MYO9A: variants seen among roughly 807,000 people sequenced by gnomAD.
MYO9A encodes the protein myosin IXA.
In MYO9A, 103 loss-of-function variants were observed where a neutral mutation model predicts 293.3. That is an observed-to-expected ratio of 0.35 (90% CI 0.30 to 0.41). The LOEUF (loss-of-function observed/expected upper bound fraction) is 0.41. MYO9A is among the 10% of genes least tolerant of loss of function. The pLI, the probability that MYO9A is intolerant of heterozygous loss-of-function variation, is 1.00. For missense variants in MYO9A, 2,685 were observed against 3,033.0 expected, an observed-to-expected ratio of 0.89 and a Z score of 2.69; for synonymous variants, 1,001 against 1,035.7, an observed-to-expected ratio of 0.97 and a Z score of 0.64.
In MYO9A at chr15:71,824,995, A is replaced by G. The variant is rs1173759992; in HGVS notation, c.*1585T>C. ...AGTATGAAAAGGAAGAATACCCAAA[A>G]TACAGGTTATAGATGGTAAAGGCTC... On this transcript the variant is annotated 3_prime_UTR_variant, in exon 42 of 42. Coordinates refer to ENST00000356056, the MANE Select transcript of MYO9A (RefSeq NM_006901.4). The G allele has an allele frequency of 1.3e-5, 2 of 152,244 alleles. No individual in the cohort carries two copies. The highest frequency in any genetic ancestry group is 1.5e-5 in the Non-Finnish European group (1 of 68,044). The allele number at this position is 152,244 out of a possible 1,614,324, so 9.4% of individuals were successfully genotyped here. A position where few individuals can be genotyped will look rare whatever the true frequency, so the allele number is the denominator to read the frequency against.
chr15:71,839,509 A>G (rs2723339), intron 39 of MYO9A, among the ~76,000 whole-genome samples: 1,928 of 152,250 alleles, frequency 0.013, 52 homozygotes, highest in African/African-American at 0.045. Context: ...CCTGGGCTCA[A>G]GGGATCCTTC....
chr15:71,856,273 T>C (rs1219387183), intron 34 of MYO9A, among the ~76,000 whole-genome samples: 1 of 151,874 alleles, frequency 6.6e-6, no homozygotes, highest in Non-Finnish European at 1.5e-5. Flanking sequence ...ATCACGCCAC[T>C]GTACTCCAGC....
Position 71,899,914 on chromosome 15 carries a change from G to C in MYO9A, c.3243C>G (p.Leu1081=), listed in dbSNP as rs762167142. The stretch of plus-strand genomic sequence containing the variant: ...CTAAGTGAGCACGCCAGGAAGCTTG[G>C]AGAAGAGCAGCTGCACTAGCCATAA... ...AFVMASAAAL[L]QASWRAHLER... Residue 1081 remains leucine, a synonymous_variant, in exon 24 of 42, where the codon CTC becomes CTG. Transcript: ENST00000356056. 1.2e-6 allele frequency: 2 copies of C among 1,614,022 alleles called. No homozygotes were observed. Among genetic ancestry groups the C allele is most frequent in the Non-Finnish European group, 1.7e-6 (2 of 1,180,026 alleles).
intron 23 of MYO9A, 70 bp from the exon 24 acceptor site, chr15:71,900,076 G>T: frequency 1.4e-6 from 2 of 1,384,328 alleles, no homozygotes; most frequent in Non-Finnish European, 1.9e-6. Flanking sequence ...GAAAAAAAGA[G>T]AATAAATTTC....
At chr15:72,071,255 CA>C (rs1567007911) in intron 1 of MYO9A, among the ~76,000 whole-genome samples, 1 of 152,110 alleles carries the variant, frequency 6.6e-6, no homozygotes, top group Non-Finnish European at 1.5e-5. Context: ...CGGCACTTCT[CA>C]AAAGATGACA....
intron 10 of MYO9A, among the ~76,000 whole-genome samples, chr15:71,992,603 A>G (rs1392918858): frequency 6.6e-6 from 1 of 152,178 alleles, no homozygotes; most frequent in South Asian, 2.1e-4. Flanking sequence ...GTTTACCTGA[A>G]GCATGAAAAA....
chr15:71,916,499 G>A lies in MYO9A; in HGVS notation c.2563-7C>T. Reference sequence around the variant, plus strand: ...AATTTACTTCTAGCAAGTGCTGAAAGAAGAGAAAAAATAAATTGCTCACAT... The same window carrying A: ...AATTTACTTCTAGCAAGTGCTGAAAAAAGAGAAAAAATAAATTGCTCACAT... On this transcript the variant is annotated splice_region_variant and splice_polypyrimidine_tract_variant and intron_variant, in intron 18 of 41. Transcript: ENST00000356056. The A allele has an allele frequency of 1.3e-6, 2 of 1,587,504 alleles. No individual in the cohort carries two copies. Among genetic ancestry groups the A allele is most frequent in the Admixed American group, 1.9e-5 (1 of 52,010 alleles).
At chr15:71,980,228 T>A (rs2076239017) in intron 11 of MYO9A, among the ~76,000 whole-genome samples, 1 of 152,186 alleles carries the variant, frequency 6.6e-6, no homozygotes, top group Admixed American at 6.5e-5. Flanking sequence ...AAACTTTTGG[T>A]GTGCATTTAT....
chr15:71,889,443 CCTT>C (rs1253289110), intron 26 of MYO9A: 1 of 135,116 alleles, frequency 7.4e-6, no homozygotes, highest in East Asian at 2.3e-4. Context: ...GTCTAACAAA[CCTT>C]TTTTTTTTTT....
intron 4 of MYO9A, 26 bp downstream of exon 4, chr15:72,027,705 C>T: frequency 6.4e-7 from 1 of 1,554,718 alleles, no homozygotes; most frequent in Non-Finnish European, 8.8e-7. Context: ...TTAACTTCAT[C>T]TAATTACACA....
At position 71,978,305 on chromosome 15, in the gene MYO9A, A is replaced by C. The variant is rs765929053; in HGVS notation, c.1723-13T>G. On this transcript the variant is annotated splice_polypyrimidine_tract_variant and intron_variant, in intron 11 of 41. Coordinates refer to ENST00000356056, the MANE Select transcript of MYO9A (RefSeq NM_006901.4). Reference sequence around the variant, plus strand: ...TTCTATATTCCTCCTAGAAAAACCAAAAAATAAAATAACAATTTATTCATC... The same window carrying C: ...TTCTATATTCCTCCTAGAAAAACCACAAAATAAAATAACAATTTATTCATC... 1.3e-6 allele frequency: 2 copies of C among 1,590,992 alleles called. No homozygotes were observed. Among genetic ancestry groups the C allele is most frequent in the African/African-American group, 2.7e-5 (2 of 73,620 alleles).
At chr15:71,939,076 A>G in intron 15 of MYO9A, 149 bp from the exon 16 acceptor site, 2 of 567,616 alleles carry the variant, frequency 3.5e-6, no homozygotes, top group Non-Finnish European at 6.1e-6. Flanking sequence ...CCCAAGTCTC[A>G]TAACTGTCAT....
intron 34 of MYO9A, among the ~76,000 whole-genome samples, chr15:71,858,929 T>C (rs1428341190): frequency 6.6e-6 from 1 of 152,182 alleles, no homozygotes; most frequent in Non-Finnish European, 1.5e-5. Context: ...CTGCATTCTC[T>C]TCTCTCTAAA....
intron 33 of MYO9A, among the ~76,000 whole-genome samples, chr15:71,860,348 T>C (rs2056064333): frequency 6.6e-6 from 1 of 152,164 alleles, no homozygotes; most frequent in African/African-American, 2.4e-5. Context: ...ACATGAAGAA[T>C]ATTGAGTTGT....
chr15:71,975,464 C>A (rs548753887), intron 12 of MYO9A, among the ~76,000 whole-genome samples: 8 of 147,360 alleles, frequency 5.4e-5, no homozygotes, highest in African/African-American at 2.0e-4. Flanking sequence ...TATTAACTAC[C>A]ACAGCCCTTG....
chr15:72,047,141 C>G (rs1297372912), intron 1 of MYO9A, among the ~76,000 whole-genome samples: 1 of 152,060 alleles, frequency 6.6e-6, no homozygotes, highest in East Asian at 1.9e-4. Flanking sequence ...TTACATAAAA[C>G]CAAGAAAATG....
chr15:72,102,499 T>TA (rs55804686), intron 1 of MYO9A, among the ~76,000 whole-genome samples: 290 of 114,442 alleles, frequency 2.5e-3, no homozygotes, highest in East Asian at 6.4e-3. Flanking sequence ...TAAATAAATT[T>TA]AAAAAAAAAA....
chr15:71,848,469 G>A (rs2055487656), intron 39 of MYO9A, among the ~76,000 whole-genome samples: 1 of 151,998 alleles, frequency 6.6e-6, no homozygotes. Flanking sequence ...CAGGGGTCTT[G>A]GCAGGACCAC....
chr15:72,000,047 T>C (rs933158279), intron 8 of MYO9A, 107 bp from the exon 9 acceptor site: 68 of 783,112 alleles, frequency 8.7e-5, no homozygotes, highest in Non-Finnish European at 1.2e-4. Context: ...GATTAGCAAT[T>C]ACATAGCAGA....
Sources: gnomAD v4.1 joint callset for allele counts (sites outside exome capture counted in the v4.1 genomes callset) on GRCh38, gnomAD v4.1.1 for gene constraint, MANE v1.5 for transcripts, NCBI Gene and HGNC (gene_info 2026-07-23, HGNC 2026-07-21) for gene names.